Variants in CYP7B1 observed in about 807,000 individuals in gnomAD.
The protein encoded by CYP7B1 is cytochrome P450 7B1.
In CYP7B1, 29 loss-of-function variants were observed where a neutral mutation model predicts 42.7. The ratio of observed to expected loss-of-function variants is 0.68; its 90% CI spans 0.51 to 0.93. The LOEUF is 0.93. Ranked by LOEUF, CYP7B1 falls within the 40% of genes least tolerant of loss-of-function variation. The probability of loss-of-function intolerance (pLI) is 0.00; values close to 1 mark genes in which losing one functional copy is unlikely to be tolerated. For missense variants in CYP7B1, 655 were observed against 600.5 expected, an observed-to-expected ratio of 1.09 and a Z score of -0.95; for synonymous variants, 235 against 218.2, an observed-to-expected ratio of 1.08 and a Z score of -0.68.
At chr8:64,602,320 G>T (rs536918901) in intron 5 of CYP7B1, among the ~76,000 whole-genome samples, 2 of 152,350 alleles carry the variant, frequency 1.3e-5, no homozygotes, top group South Asian at 4.1e-4. Flanking sequence ...GATTCCTGTG[G>T]AGTAGTTTGG....
At chr8:64,692,221 C>T (rs924118405) in intron 1 of CYP7B1, among the ~76,000 whole-genome samples, 7 of 152,202 alleles carry the variant, frequency 4.6e-5, no homozygotes, top group Non-Finnish European at 7.3e-5. Flanking sequence ...TAAGGGGATA[C>T]CCTGACTAGC....
intron 1 of CYP7B1, among the ~76,000 whole-genome samples, chr8:64,682,826 A>G (rs556050385): frequency 6.6e-6 from 1 of 152,254 alleles, no homozygotes; most frequent in African/African-American, 2.4e-5. Flanking sequence ...CTGCCTATCC[A>G]TCATCTCCAC....
At chr8:64,738,535 AACACACACACACGC>A (rs914407483) in intron 1 of CYP7B1, among the ~76,000 whole-genome samples, 1 of 151,688 alleles carries the variant, frequency 6.6e-6, no homozygotes, top group Admixed American at 6.6e-5. Flanking sequence ...AATACAAGAA[AACACACACACACGC>A]ACACACACAC....
intron 1 of CYP7B1, among the ~76,000 whole-genome samples, chr8:64,707,580 GAA>G (rs1011025196): frequency 2.0e-5 from 3 of 152,074 alleles, no homozygotes; most frequent in Non-Finnish European, 2.9e-5. Flanking sequence ...CATTTGAAAT[GAA>G]AAGTTTCCCT....
At chr8:64,778,266 T>C (rs1804360792) in intron 1 of CYP7B1, among the ~76,000 whole-genome samples, 1 of 150,702 alleles carries the variant, frequency 6.6e-6, no homozygotes, top group South Asian at 2.1e-4. Context: ...ATACTACATA[T>C]ACACACATAT....
At chr8:64,622,073 G>C (rs188286366) in intron 2 of CYP7B1, among the ~76,000 whole-genome samples, 1 of 152,224 alleles carries the variant, frequency 6.6e-6, no homozygotes, top group Admixed American at 6.5e-5. Context: ...CAATCATGCT[G>C]ATAATTTCCT....
chr8:64,663,681 C>G (rs1033705002), intron 1 of CYP7B1, among the ~76,000 whole-genome samples: 1 of 152,166 alleles, frequency 6.6e-6, no homozygotes, highest in African/African-American at 2.4e-5. Flanking sequence ...TCTCACCTAC[C>G]CTGTGTAATC....
At chr8:64,757,834 C>T (rs1807829625) in intron 1 of CYP7B1, among the ~76,000 whole-genome samples, 1 of 152,184 alleles carries the variant, frequency 6.6e-6, no homozygotes, top group Non-Finnish European at 1.5e-5. Context: ...CACAGAACTG[C>T]CTTCATCCAA....
intron 1 of CYP7B1, among the ~76,000 whole-genome samples, chr8:64,773,923 T>C (rs549389607): frequency 4.1e-4 from 63 of 152,318 alleles, no homozygotes; most frequent in African/African-American, 1.4e-3. Context: ...CATTAATCCA[T>C]CAGTCCATTC....
intron 1 of CYP7B1, among the ~76,000 whole-genome samples, chr8:64,664,744 G>A (rs1372454067): frequency 6.6e-6 from 1 of 152,154 alleles, no homozygotes; most frequent in Non-Finnish European, 1.5e-5. Flanking sequence ...GTGAGCTGAG[G>A]CTTATTCTTT....
intron 1 of CYP7B1, among the ~76,000 whole-genome samples, chr8:64,797,175 T>C (rs1804717681): frequency 6.6e-6 from 1 of 152,180 alleles, no homozygotes; most frequent in Non-Finnish European, 1.5e-5. Context: ...CCCTTTTGCC[T>C]TCCTGTCCCT....
chr8:64,659,961 A>C (rs1806177614), intron 1 of CYP7B1, among the ~76,000 whole-genome samples: 1 of 152,238 alleles, frequency 6.6e-6, no homozygotes, highest in East Asian at 1.9e-4. Flanking sequence ...AAGAGACTAA[A>C]GTATAAAACC....
chr8:64,651,789 G>A (rs1468844420), intron 1 of CYP7B1, among the ~76,000 whole-genome samples: 7 of 152,174 alleles, frequency 4.6e-5, no homozygotes, highest in African/African-American at 1.2e-4. Flanking sequence ...GTGCTGCCTT[G>A]ATCTTGGACT....
At chr8:64,771,742 A>G (rs1161238931) in intron 1 of CYP7B1, among the ~76,000 whole-genome samples, 1 of 152,136 alleles carries the variant, frequency 6.6e-6, no homozygotes, top group Non-Finnish European at 1.5e-5. Context: ...TCTCTCTCTC[A>G]ACTGCGTTCT....
intron 1 of CYP7B1, among the ~76,000 whole-genome samples, chr8:64,647,163 G>A (rs541991908): frequency 6.6e-6 from 1 of 152,248 alleles, no homozygotes; most frequent in East Asian, 1.9e-4. Flanking sequence ...ATGGGGGAAT[G>A]GTTGGTCAGT....
intron 1 of CYP7B1, among the ~76,000 whole-genome samples, chr8:64,735,176 T>G (rs1807468547): frequency 6.6e-6 from 1 of 152,160 alleles, no homozygotes; most frequent in Non-Finnish European, 1.5e-5. Context: ...ATCTATATAT[T>G]TATTTAAAAA....
At chr8:64,730,613 T>C (rs1159521882) in intron 1 of CYP7B1, among the ~76,000 whole-genome samples, 1 of 152,150 alleles carries the variant, frequency 6.6e-6, no homozygotes. Flanking sequence ...CAGTTAAATG[T>C]ATATGTTATG....
chr8:64,604,418 G>A (rs1289130145), intron 5 of CYP7B1, among the ~76,000 whole-genome samples: 1 of 152,218 alleles, frequency 6.6e-6, no homozygotes, highest in Non-Finnish European at 1.5e-5. Context: ...TAGTGGCCAA[G>A]GCGCAATGTC....
At chr8:64,751,286 T>A (rs1300996569) in intron 1 of CYP7B1, among the ~76,000 whole-genome samples, 1 of 152,184 alleles carries the variant, frequency 6.6e-6, no homozygotes, top group Non-Finnish European at 1.5e-5. Context: ...ACAATTCGCA[T>A]ACAGACATAC....
Sources: gnomAD v4.1 joint callset for allele counts (sites outside exome capture counted in the v4.1 genomes callset) on GRCh38, gnomAD v4.1.1 for gene constraint, MANE v1.5 for transcripts, NCBI Gene and HGNC (gene_info 2026-07-23, HGNC 2026-07-21) for gene names.